The following CYP46A1 variants were observed in gnomAD, a reference collection of about 807,000 sequenced individuals.
CYP46A1 encodes the protein cholesterol 24-hydroxylase.
Under a neutral mutation model 63.3 loss-of-function variants are expected in CYP46A1, and 20 were observed. The observed-to-expected ratio is 0.32, with a 90% CI of 0.22 to 0.46. The LOEUF is 0.46. Among genes scored for constraint, CYP46A1 ranks in the 20% least tolerant of loss-of-function variants. CYP46A1 has a pLI of 1.00. For missense variants in CYP46A1, 445 were observed against 670.8 expected (o/e 0.66, Z 3.72); for synonymous variants, 268 against 273.6 (o/e 0.98, Z 0.20).
intron 13 of CYP46A1, 145 bp from the exon 14 acceptor site, chr14:99,726,045 C>T (rs758075678): frequency 1.6e-5 from 11 of 692,952 alleles, no homozygotes; most frequent in Admixed American, 8.6e-5. Context: ...GCAGAGTCAG[C>T]GGTTCATGCT....
At chr14:99,709,875 AG>A (rs1164510410) in intron 7 of CYP46A1, 1 of 152,238 alleles carries the variant, frequency 6.6e-6, no homozygotes, top group Non-Finnish European at 1.5e-5. Context: ...ATCAGACTAA[AG>A]TAGATTGCTC....
chr14:99,707,561 C>T lies in CYP46A1; in HGVS notation c.583-7C>T. The T allele has an allele frequency of 1.2e-6, 2 of 1,613,302 alleles. No individual in the cohort carries two copies. Among genetic ancestry groups the T allele is most frequent in the Non-Finnish European group, 8.5e-7 (1 of 1,179,356 alleles). ...CAGGGATGACCTTGCCCTTCTCTCT[C>T]CCCCAGGCAGCTTTTGGGATGGAGA... is the stretch of plus-strand genomic sequence containing the variant. On this transcript the variant is annotated splice_region_variant and splice_polypyrimidine_tract_variant and intron_variant, in intron 6 of 14. Coordinates refer to ENST00000261835, the MANE Select transcript of CYP46A1 (RefSeq NM_006668.2).
chr14:99,685,757 CTG>C (rs2056488597), intron 1 of CYP46A1, among the ~76,000 whole-genome samples: 1 of 151,942 alleles, frequency 6.6e-6, no homozygotes, highest in Non-Finnish European at 1.5e-5. Flanking sequence ...GGAAAGATCT[CTG>C]TGGCTGGTGA....
intron 10 of CYP46A1, among the ~76,000 whole-genome samples, chr14:99,720,665 G>A (rs572069881): frequency 1.1e-4 from 16 of 152,104 alleles, no homozygotes; most frequent in African/African-American, 3.4e-4. Context: ...CACCATGTTG[G>A]CCATGCTGGT....
intron 8 of CYP46A1, 80 bp downstream of exon 8, chr14:99,716,040 G>A: frequency 1.2e-6 from 2 of 1,609,422 alleles, no homozygotes; most frequent in Non-Finnish European, 8.5e-7. Context: ...CACTGACTCT[G>A]TTTGGCTTAA....
In CYP46A1 at chr14:99,715,881, G is replaced by C; in HGVS notation, c.765G>C (p.Arg255Ser). Residue 255 changes from arginine (R) to serine (S), a missense_variant, in exon 8 of 15, where the codon AGG becomes AGC. Arg to Ser is a moderately radical substitution (Grantham distance 110). This residue lies in a region of CYP46A1 where 252 missense variants were observed against 383.3 expected (regional missense o/e 0.66). Transcript: ENST00000261835. Reference protein sequence around the residue: ...ESIRFLRQVGRDWVQRRREAL... With the variant: ...ESIRFLRQVGSDWVQRRREAL... ...TTCGCTTCCTGCGCCAGGTGGGCAGGGACTGGGTCCAGCGCCGCCGGGAAG... is the reference window on the plus strand; with the variant it reads ...TTCGCTTCCTGCGCCAGGTGGGCAGCGACTGGGTCCAGCGCCGCCGGGAAG... 6.2e-7 allele frequency: 1 copy of C among 1,614,088 alleles called. No individual in the cohort carries two copies. Among genetic ancestry groups the C allele is most frequent in the Non-Finnish European group, 8.5e-7 (1 of 1,180,022 alleles).
At chr14:99,685,697 A>T (rs1247869998) in intron 1 of CYP46A1, among the ~76,000 whole-genome samples, 4 of 152,042 alleles carry the variant, frequency 2.6e-5, no homozygotes. Flanking sequence ...TCTCCAGCAC[A>T]AGCCAGATGT....
intron 1 of CYP46A1, among the ~76,000 whole-genome samples, chr14:99,689,252 T>TC (rs1188137148): frequency 1.3e-5 from 2 of 151,584 alleles, no homozygotes; most frequent in Admixed American, 1.3e-4. Context: ...CTGAGATTGG[T>TC]CCCCCCAAAG....
chr14:99,717,885 C>G (rs1310596295), intron 9 of CYP46A1, 169 bp from the exon 10 acceptor site: 2 of 542,950 alleles, frequency 3.7e-6, no homozygotes, highest in African/African-American at 1.9e-5. Context: ...AGCACCTCCC[C>G]GGGCCAAGTG....
At chr14:99,690,637 T>C (rs960510981) in intron 1 of CYP46A1, among the ~76,000 whole-genome samples, 1 of 152,188 alleles carries the variant, frequency 6.6e-6, no homozygotes, top group Non-Finnish European at 1.5e-5. Flanking sequence ...TGGTACCAGC[T>C]GTGCAATTGT....
chr14:99,706,399 G>T, intron 5 of CYP46A1: 1 of 467,370 alleles, frequency 2.1e-6, no homozygotes, highest in Non-Finnish European at 3.9e-6. Context: ...GAGTACCTGT[G>T]GAACTGTTAG....
chr14:99,714,760 C>CAAAAAA (rs35534717), intron 7 of CYP46A1, among the ~76,000 whole-genome samples: 1 of 102,156 alleles, frequency 9.8e-6, no homozygotes, highest in Non-Finnish European at 2.0e-5. Context: ...AACCCCATCT[C>CAAAAAA]AAAAAAAAAA....
At chr14:99,686,730 C>T (rs2056497583) in intron 1 of CYP46A1, among the ~76,000 whole-genome samples, 1 of 152,172 alleles carries the variant, frequency 6.6e-6, no homozygotes, top group Non-Finnish European at 1.5e-5. Context: ...ACCACAGAGT[C>T]TACATGTGAC....
chr14:99,705,135 C>T (rs957756402), intron 5 of CYP46A1, among the ~76,000 whole-genome samples: 6 of 152,214 alleles, frequency 3.9e-5, no homozygotes, highest in Non-Finnish European at 5.9e-5. Context: ...CCCAGGCTCA[C>T]CTGCTGCCAG....
rs1595212668 is a variant in CYP46A1, at chr14:99,726,871, C to T, written c.*144C>T. 2 of 624,702 alleles carry T rather than the reference C, an allele frequency of 3.2e-6. No homozygotes were observed. Among genetic ancestry groups the T allele is most frequent in the African/African-American group, 3.8e-5 (2 of 52,544 alleles). 38.7% of individuals were successfully genotyped at this position (624,702 alleles called of 1,614,324 possible). On this transcript the variant is annotated 3_prime_UTR_variant, in exon 15 of 15. Transcript: ENST00000261835. ...TTCCAGCGGGCCCTCTGCCGACCGC[C>T]TGCTTCACACCCCTCAGCGCTCCCT... is the stretch of plus-strand genomic sequence containing the variant.
At chr14:99,703,808 C>T in intron 5 of CYP46A1, 1 of 983,492 alleles carries the variant, frequency 1.0e-6, no homozygotes, top group Non-Finnish European at 1.2e-6. Context: ...TCCAGGAATG[C>T]CCATAGAGTG....
Position 99,707,981 on chromosome 14 carries a change from G to C in CYP46A1, c.693+303G>C, listed in dbSNP as rs577481876. ...ATTTTCTGGATCCTTCTGTCTTCCT[G>C]TTCCACTGTCTCAGCACATCACCTC... On this transcript the variant is annotated intron_variant, in intron 7 of 14. Coordinates refer to ENST00000261835, the MANE Select transcript of CYP46A1 (RefSeq NM_006668.2). The C allele has an allele frequency of 5.4e-4, 190 of 351,124 alleles. 1 individual carries two copies. Among genetic ancestry groups the C allele is most frequent in the African/African-American group, 3.6e-3 (173 of 47,522 alleles). 21.8% of individuals were successfully genotyped at this position (351,124 alleles called of 1,614,324 possible).
intron 9 of CYP46A1, among the ~76,000 whole-genome samples, chr14:99,716,481 G>A (rs2056791726): frequency 6.6e-6 from 1 of 152,216 alleles, no homozygotes; most frequent in Non-Finnish European, 1.5e-5. Context: ...CTCAGAATTT[G>A]TGGGGAGGCC....
intron 10 of CYP46A1, among the ~76,000 whole-genome samples, chr14:99,720,985 T>C (rs2056841052): frequency 6.6e-6 from 1 of 152,058 alleles, no homozygotes; most frequent in African/African-American, 2.4e-5. Context: ...CTTGGGAGGC[T>C]GAGGCGGGAG....
Sources: gnomAD v4.1 joint callset for allele counts (sites outside exome capture counted in the v4.1 genomes callset) on GRCh38, gnomAD v4.1.1 for gene constraint, gnomAD v4.1.1 regional missense constraint, MANE v1.5 for transcripts, NCBI Gene and HGNC (gene_info 2026-07-23, HGNC 2026-07-21) for gene names.